The following SLC24A4 variants were observed in gnomAD, a reference collection of about 807,000 sequenced individuals.
SLC24A4 encodes the protein sodium/potassium/calcium exchanger 4.
A neutral mutation model predicts 79.0 loss-of-function variants in SLC24A4; 53 were observed. That is an observed-to-expected ratio of 0.67 (90% CI 0.54 to 0.84). The LOEUF is 0.84. SLC24A4 is among the 40% of genes least tolerant of loss of function. SLC24A4 has a pLI of 0.00. For synonymous variants in SLC24A4, 323 were observed against 323.8 expected (o/e 1.00, Z 0.03); for missense variants, 731 against 822.0 (o/e 0.89, Z 1.35).
chr14:92,400,708 A>G (rs1746493879), intron 2 of SLC24A4, among the ~76,000 whole-genome samples: 1 of 152,184 alleles, frequency 6.6e-6, no homozygotes, highest in African/African-American at 2.4e-5. Flanking sequence ...AGCTGCAATG[A>G]TAGGAAGTTA....
rs745385207 is a variant in SLC24A4, at chr14:92,323,853, G to A, written c.23G>A (p.Arg8Gln). ...GGGATGGCGCTCCGCGGGACCCTCC[G>A]GCCGCTCAAAGTTCGCAGGAGGCGA... MALRGTL[R>Q]PLKVRRRREM... Residue 8 changes from arginine (R) to glutamine (Q), a missense_variant, in exon 1 of 17, where the codon CGG becomes CAG. By Grantham distance (43) the Arg-to-Gln change is conservative (BLOSUM62 1). Coordinates refer to ENST00000532405, the MANE Select transcript of SLC24A4 (RefSeq NM_153646.4). The surrounding 1 kb of genome is among the most constrained non-coding windows in gnomAD (Gnocchi z 4.9). 1.3e-6 allele frequency: 2 copies of A among 1,591,708 alleles called. No homozygotes were observed. Among genetic ancestry groups the A allele is most frequent in the Non-Finnish European group, 1.7e-6 (2 of 1,175,560 alleles).
At chr14:92,463,033 T>C (rs559316353) in intron 12 of SLC24A4, among the ~76,000 whole-genome samples, 1 of 152,284 alleles carries the variant, frequency 6.6e-6, no homozygotes, top group African/African-American at 2.4e-5. Context: ...GTGTGTTGAG[T>C]AAACTGTGTT....
intron 6 of SLC24A4, 44 bp from the exon 7 acceptor site, chr14:92,443,356 C>T (rs74073080): frequency 0.06 from 96,037 of 1,602,652 alleles, 6,120 homozygotes; most frequent in African/African-American, 0.28. Context: ...ACCCCCTCCC[C>T]GCTTCTGCGC....
At chr14:92,361,152 C>T (rs1887488355) in intron 2 of SLC24A4, among the ~76,000 whole-genome samples, 3 of 151,894 alleles carry the variant, frequency 2.0e-5, no homozygotes, top group Non-Finnish European at 2.9e-5. Flanking sequence ...GAAGGCTTTC[C>T]TGCAGTTGGC....
At chr14:92,416,784 C>G (rs188854452) in intron 2 of SLC24A4, among the ~76,000 whole-genome samples, 1 of 152,318 alleles carries the variant, frequency 6.6e-6, no homozygotes, top group East Asian at 1.9e-4. Context: ...CCTGGTGACT[C>G]TTTAGTGGAA....
chr14:92,424,540 G>C (rs1891463678), intron 2 of SLC24A4, among the ~76,000 whole-genome samples: 1 of 151,888 alleles, frequency 6.6e-6, no homozygotes, highest in Non-Finnish European at 1.5e-5. Flanking sequence ...GGAAGCAAAA[G>C]AGCGGGAGAA....
At chr14:92,343,645 T>C (rs936089040) in intron 2 of SLC24A4, among the ~76,000 whole-genome samples, 3,599 of 50,570 alleles carry the variant, frequency 0.071, 95 homozygotes, top group Middle Eastern at 0.1. Context: ...TCTTTCTCTC[T>C]TTCCTTCTTT....
chr14:92,474,843 G>GTATATATATATATA lies in SLC24A4; in HGVS notation c.1256-7829_1256-7816dup, dbSNP rs1555374575. 4.2e-4 allele frequency among the ~76,000 whole-genome samples: 10 copies of GTATATATATATATA among 23,882 alleles called. No homozygotes were observed. The South Asian group carries it at 0.015, about 35-fold the overall frequency. The allele number at this position is 23,882 out of a possible 152,430, so 15.7% of individuals were successfully genotyped here. A position where few individuals can be genotyped will look rare whatever the true frequency, so the allele number is the denominator to read the frequency against. On this transcript the variant is annotated intron_variant, in intron 12 of 16. Coordinates refer to ENST00000532405, the MANE Select transcript of SLC24A4 (RefSeq NM_153646.4). ...TATACATATATATGTGTGTGTGTGT[G>GTATATATATATATA]TATATATATATATATATATATTTTT...
chr14:92,473,093 CT>C (rs932580802), intron 12 of SLC24A4, among the ~76,000 whole-genome samples: 15 of 152,176 alleles, frequency 9.9e-5, no homozygotes, highest in African/African-American at 3.6e-4. Context: ...TACAAAAAAC[CT>C]TTTTTTCATG....
intron 2 of SLC24A4, among the ~76,000 whole-genome samples, chr14:92,410,662 C>A (rs1228686197): frequency 6.6e-6 from 1 of 152,140 alleles, no homozygotes; most frequent in Non-Finnish European, 1.5e-5. Context: ...CTGAACAATT[C>A]TAAGAGGTAG....
At position 92,460,121 on chromosome 14, in the gene SLC24A4, G is replaced by A. The variant is rs577826195; in HGVS notation, c.1255+3513G>A. ...GGTGTCAAGGAATGAGTCTAGCCCC[G>A]TGCCAATGTGCAGATATCGTGTGTT... On this transcript the variant is annotated intron_variant, in intron 12 of 16. Coordinates refer to ENST00000532405, the MANE Select transcript of SLC24A4 (RefSeq NM_153646.4). Among the ~76,000 whole-genome samples the A allele has an allele frequency of 7.2e-5, 11 of 152,248 alleles. No homozygotes were observed. In the South Asian group the frequency reaches 1.0e-3, roughly 14 times the overall value.
intron 2 of SLC24A4, among the ~76,000 whole-genome samples, chr14:92,362,277 G>T (rs1385890034): frequency 6.6e-6 from 1 of 152,038 alleles, no homozygotes; most frequent in African/African-American, 2.4e-5. Context: ...GAGCCTCGGA[G>T]CTCCATTTCC....
intron 2 of SLC24A4, among the ~76,000 whole-genome samples, chr14:92,336,702 C>G (rs1405332822): frequency 6.6e-6 from 1 of 152,170 alleles, no homozygotes; most frequent in Non-Finnish European, 1.5e-5. Flanking sequence ...AAAACCAGAC[C>G]AAGCCACCTG....
At chr14:92,329,012 T>C (rs1885315964) in intron 2 of SLC24A4, among the ~76,000 whole-genome samples, 1 of 152,240 alleles carries the variant, frequency 6.6e-6, no homozygotes, top group Non-Finnish European at 1.5e-5. Flanking sequence ...TTCAGGGGTG[T>C]GACAGACGCT....
chr14:92,370,397 G>A (rs887805904), intron 2 of SLC24A4, among the ~76,000 whole-genome samples: 1 of 152,278 alleles, frequency 6.6e-6, no homozygotes, highest in Non-Finnish European at 1.5e-5. Flanking sequence ...CCAAACAGAT[G>A]TAAAAGGCAT....
chr14:92,342,400 T>TTTATTTA (rs1397871919), intron 2 of SLC24A4, among the ~76,000 whole-genome samples: 1 of 63,518 alleles, frequency 1.6e-5, no homozygotes, highest in East Asian at 5.2e-4. Flanking sequence ...TTATTTATTT[T>TTTATTTA]GAGATGGACT....
At chr14:92,373,193 C>CACAT (rs374714391) in intron 2 of SLC24A4, among the ~76,000 whole-genome samples, 4 of 68,128 alleles carry the variant, frequency 5.9e-5, no homozygotes, top group Admixed American at 2.2e-4. Context: ...CACACACACA[C>CACAT]GCACACACAC....
At chr14:92,401,754 C>A (rs2141764792) in intron 2 of SLC24A4, among the ~76,000 whole-genome samples, 1 of 152,220 alleles carries the variant, frequency 6.6e-6, no homozygotes, top group South Asian at 2.1e-4. Flanking sequence ...TCCGCAGTGC[C>A]CTGAGGTGTG....
At chr14:92,366,838 G>A (rs1887871302) in intron 2 of SLC24A4, among the ~76,000 whole-genome samples, 1 of 152,228 alleles carries the variant, frequency 6.6e-6, no homozygotes, top group South Asian at 2.1e-4. Context: ...GAATAGGCGG[G>A]GAAGGGGTGA....
Sources: gnomAD v4.1 joint callset for allele counts (sites outside exome capture counted in the v4.1 genomes callset) on GRCh38, gnomAD v4.1.1 for gene constraint, Gnocchi (gnomAD v3.1) non-coding constraint, MANE v1.5 for transcripts, NCBI Gene and HGNC (gene_info 2026-07-23, HGNC 2026-07-21) for gene names.